ADSS2: variants seen among roughly 807,000 people sequenced by gnomAD.
ADSS2 encodes the protein adenylosuccinate synthetase isozyme 2.
ADSS2 carries 30 observed loss-of-function variants against 60.0 expected under a neutral mutation model. That is an observed-to-expected ratio of 0.50 (90% CI 0.37 to 0.68). The LOEUF (loss-of-function observed/expected upper bound fraction) is 0.68. Among genes scored for constraint, ADSS2 ranks in the 30% least tolerant of loss-of-function variants. The pLI, the probability that ADSS2 is intolerant of heterozygous loss-of-function variation, is 0.00. For synonymous variants in ADSS2, 187 were observed against 193.1 expected, an observed-to-expected ratio of 0.97 and a Z score of 0.26; for missense variants, 373 against 554.8, an observed-to-expected ratio of 0.67 and a Z score of 3.29.
In ADSS2 at chr1:244,417,795, C is replaced by T. The variant is rs548088583; in HGVS notation, c.946-43G>A. 8.2e-6 allele frequency: 13 copies of T among 1,580,586 alleles called. No homozygotes were observed. The African/African-American group carries it at 1.2e-4, about 15-fold the overall frequency. On this transcript the variant is annotated intron_variant, in intron 9 of 12. Transcript: ENST00000366535. ...GAACTTTAGGATTAGAATAGCAGTG[C>T]TATATATCTGGTGGAATAATATATG...
At chr1:244,438,227 G>A (rs1171761880) in intron 1 of ADSS2, among the ~76,000 whole-genome samples, 1 of 152,066 alleles carries the variant, frequency 6.6e-6, no homozygotes, top group Non-Finnish European at 1.5e-5. Flanking sequence ...AGTGTGTCAA[G>A]CAACTCTGTG....
intron 3 of ADSS2, among the ~76,000 whole-genome samples, chr1:244,433,503 G>A (rs1013922858): frequency 9.2e-5 from 14 of 152,212 alleles, no homozygotes; most frequent in African/African-American, 3.4e-4. Flanking sequence ...GTACCTGGCA[G>A]GGAGAAATTT....
At chr1:244,436,804 A>C (rs758817033) in intron 3 of ADSS2, 21 bp downstream of exon 3, 2 of 1,587,540 alleles carry the variant, frequency 1.3e-6, no homozygotes, top group African/African-American at 2.7e-5. Flanking sequence ...CTGGTTACCA[A>C]GTAGACTCAT....
intron 10 of ADSS2, 133 bp from the exon 11 acceptor site, chr1:244,416,211 G>A: frequency 1.6e-6 from 1 of 639,328 alleles, no homozygotes; most frequent in South Asian, 2.0e-5. Context: ...AAACTGGTTA[G>A]GATTATATTT....
chr1:244,416,066 G>C lies in ADSS2; in HGVS notation c.1083C>G (p.Thr361=), dbSNP rs759326155. ...MINGFTALAL[T]KLDILDMFTE... ...TAAACATGTCCAAAATATCCAACTT[G>C]GTAAGTGCCAACCTAATTTTGGAAG... Residue 361 remains threonine, a synonymous_variant, in exon 11 of 13, where the codon ACC becomes ACG. Transcript: ENST00000366535. 1.2e-6 allele frequency: 2 copies of C among 1,613,026 alleles called. No individual in the cohort carries two copies. Among genetic ancestry groups the C allele is most frequent in the Non-Finnish European group, 1.7e-6 (2 of 1,179,490 alleles).
intron 1 of ADSS2, among the ~76,000 whole-genome samples, chr1:244,447,966 T>A (rs1307955090): frequency 6.6e-6 from 1 of 152,064 alleles, no homozygotes; most frequent in East Asian, 1.9e-4. Flanking sequence ...TACATTATAG[T>A]AGAGAAAGCA....
chr1:244,412,198 C>G (rs1558267595), intron 11 of ADSS2, among the ~76,000 whole-genome samples: 1 of 152,170 alleles, frequency 6.6e-6, no homozygotes, highest in Non-Finnish European at 1.5e-5. Context: ...TCCAGAGCTC[C>G]CTATGGGATC....
At chr1:244,409,667 G>T (rs1572125406) in intron 12 of ADSS2, 29 bp from the exon 13 acceptor site, 1 of 1,542,764 alleles carries the variant, frequency 6.5e-7, no homozygotes, top group Non-Finnish European at 8.9e-7. Context: ...AAAAGGAATT[G>T]AATCAATTCA....
At chr1:244,428,960 T>A (rs771894935) in intron 4 of ADSS2, among the ~76,000 whole-genome samples, 4 of 152,050 alleles carry the variant, frequency 2.6e-5, no homozygotes, top group Non-Finnish European at 5.9e-5. Flanking sequence ...ATTACCAACC[T>A]CACACATAAC....
At chr1:244,451,941 G>A (rs1665636473), upstream of ADSS2, 1 of 1,008,944 alleles carries the variant, frequency 9.9e-7, no homozygotes. The surrounding 1 kb of genome is among the most constrained non-coding windows in gnomAD (Gnocchi z 6.6). Flanking sequence ...CCCCGCCCCC[G>A]CCCCGCCGGG....
At chr1:244,417,512 T>C in intron 10 of ADSS2, 116 bp downstream of exon 10, 2 of 1,299,372 alleles carry the variant, frequency 1.5e-6, no homozygotes, top group African/African-American at 1.5e-5. Context: ...GGCACTACAA[T>C]TTCAATATGG....
chr1:244,424,356 G>A lies in ADSS2; in HGVS notation c.438C>T (p.Ile146=). ...CTTGTTCTTGTCTCTGTTGTTCCTGGATACCATCAGCTGCTTGATGAAAAT... is the reference window on the plus strand; with the variant it reads ...CTTGTTCTTGTCTCTGTTGTTCCTGAATACCATCAGCTGCTTGATGAAAAT... ...VFDFHQAADG[I]QEQQRQEQAG... is the part of the protein sequence containing the mutation. The change falls in exon 5 of 13, where the codon ATC becomes ATT. Residue 146 remains isoleucine (I), a synonymous_variant. Coordinates refer to ENST00000366535, the MANE Select transcript of ADSS2 (RefSeq NM_001126.5). 6.2e-7 allele frequency: 1 copy of A among 1,613,154 alleles called. No homozygotes were observed. Among genetic ancestry groups the A allele is most frequent in the Non-Finnish European group, 8.5e-7 (1 of 1,179,530 alleles).
Position 244,418,819 on chromosome 1 carries a change from C to T in ADSS2, c.886G>A (p.Val296Ile), listed in dbSNP as rs1391303116. 1 of 1,614,106 alleles carries T rather than the reference C, an allele frequency of 6.2e-7. No individual in the cohort carries two copies. The highest frequency in any genetic ancestry group is 8.5e-7 in the Non-Finnish European group (1 of 1,179,984). ...PPQNVGEVYG[V>I]VKAYTTRVGI... ...ACTCTAGTTGTATAAGCTTTCACAA[C>T]TCCATACACTTCTCCAACATTTTGA... Residue 296 changes from valine to isoleucine, a missense_variant, in exon 9 of 13, where the codon GTT becomes ATT. Val to Ile is a conservative substitution (Grantham distance 29). Transcript: ENST00000366535.
At position 244,408,919 on chromosome 1, in the gene ADSS2, G is replaced by C. The variant is rs1664345034; in HGVS notation, c.*667C>G. 1 of 152,470 alleles carries C rather than the reference G, an allele frequency of 6.6e-6. No individual in the cohort carries two copies. The highest frequency in any genetic ancestry group is 3.4e-3 in the Middle Eastern group (1 of 294). 9.4% of individuals were successfully genotyped at this position (152,470 alleles called of 1,614,324 possible). ...GTTTTGGGAAACATCTATTCTCTTT[G>C]AACATTTCACTAAATTTTCAATGTA... On this transcript the variant is annotated 3_prime_UTR_variant, in exon 13 of 13. Transcript: ENST00000366535.
chr1:244,424,711 CCAAGAAT>C, intron 4 of ADSS2: 1 of 229,826 alleles, frequency 4.4e-6, no homozygotes, highest in Non-Finnish European at 8.7e-6. Flanking sequence ...GTTCTGGACT[CCAAGAAT>C]CTAGGGCTCA....
rs1414102346 is a variant in ADSS2 at position 244,409,345 on chromosome 1, G to A, written c.*241C>T. The A allele has an allele frequency of 7.8e-6, 3 of 386,000 alleles. No homozygotes were observed. The highest frequency in any genetic ancestry group is 6.6e-5 in the South Asian group (1 of 15,196). 23.9% of individuals were successfully genotyped at this position (386,000 alleles called of 1,614,324 possible). ...ACTAAACATTGAAAAAAAAAACGTGGCACCATGAGAGCAGCAGGAGCAACA... is the reference window on the plus strand; with the variant it reads ...ACTAAACATTGAAAAAAAAAACGTGACACCATGAGAGCAGCAGGAGCAACA... On this transcript the variant is annotated 3_prime_UTR_variant, in exon 13 of 13. Coordinates refer to ENST00000366535, the MANE Select transcript of ADSS2 (RefSeq NM_001126.5).
intron 1 of ADSS2, among the ~76,000 whole-genome samples, chr1:244,444,514 C>CAAAA (rs56001597): frequency 0.033 from 1,421 of 42,542 alleles, 114 homozygotes; most frequent in Non-Finnish European, 0.055. Flanking sequence ...GACTCCATCT[C>CAAAA]AAAAAAAAAA....
At chr1:244,432,867 A>G (rs1324294615) in intron 3 of ADSS2, among the ~76,000 whole-genome samples, 2 of 151,496 alleles carry the variant, frequency 1.3e-5, no homozygotes, top group Admixed American at 6.6e-5. Flanking sequence ...ACTGGGTTTC[A>G]CCGTGTTAGC....
chr1:244,416,299 T>C (rs1210727811), intron 10 of ADSS2, among the ~76,000 whole-genome samples: 1 of 152,210 alleles, frequency 6.6e-6, no homozygotes, highest in Non-Finnish European at 1.5e-5. Flanking sequence ...AGATTTTCAC[T>C]GATGAATTTT....
Sources: allele counts gnomAD v4.1 joint callset (sites outside exome capture counted in the v4.1 genomes callset), GRCh38; gene constraint gnomAD v4.1.1; non-coding constraint Gnocchi (gnomAD v3.1); transcripts MANE v1.5; gene names NCBI Gene and HGNC (gene_info 2026-07-23, HGNC 2026-07-21).